The following DENND5B variants were observed in gnomAD, a reference collection of about 807,000 sequenced individuals.
DENND5B encodes the protein DENN domain containing 5B, also known as DENN domain-containing protein 5B.
Under a neutral mutation model 140.6 loss-of-function variants are expected in DENND5B, and 34 were observed. The observed-to-expected ratio is 0.24, with a 90% confidence interval of 0.18 to 0.32. The LOEUF (loss-of-function observed/expected upper bound fraction) is 0.32. DENND5B is among the 10% of genes least tolerant of loss of function. The probability of loss-of-function intolerance (pLI) is 1.00; values close to 1 mark genes in which losing one functional copy is unlikely to be tolerated. For synonymous variants in DENND5B, 551 were observed against 562.1 expected, an observed-to-expected ratio of 0.98 and a Z score of 0.28; for missense variants, 1,142 against 1,560.2, an observed-to-expected ratio of 0.73 and a Z score of 4.52.
rs565912518 is a variant in DENND5B at position 31,557,488 on chromosome 12, C to T, written c.127+33218G>A. Among the ~76,000 whole-genome samples the T allele has an allele frequency of 2.6e-5, 4 of 152,122 alleles. No homozygotes were observed. In the South Asian group the frequency reaches 8.3e-4, roughly 32 times the overall value. Reference sequence around the variant, plus strand: ...CAACCTCCTGGGCTCAACTGATCCTCCTCCCACCTCAGCCTCCCAAGTAGC... The same window carrying T: ...CAACCTCCTGGGCTCAACTGATCCTTCTCCCACCTCAGCCTCCCAAGTAGC... On this transcript the variant is annotated intron_variant, in intron 1 of 20. Coordinates refer to ENST00000389082, the MANE Select transcript of DENND5B (RefSeq NM_144973.4).
At chr12:31,501,666 G>A (rs1947007016) in intron 1 of DENND5B, among the ~76,000 whole-genome samples, 1 of 151,818 alleles carries the variant, frequency 6.6e-6, no homozygotes, top group African/African-American at 2.4e-5. Flanking sequence ...CCAGCTACTT[G>A]GGAGGCTGAG....
intron 1 of DENND5B, among the ~76,000 whole-genome samples, chr12:31,555,471 G>T (rs1332398022): frequency 1.3e-5 from 2 of 152,210 alleles, no homozygotes; most frequent in Non-Finnish European, 2.9e-5. Flanking sequence ...CCTACTGGGG[G>T]GTGCCTCCCA....
At chr12:31,497,837 G>GGCAGCA (rs1186968882) in intron 1 of DENND5B, among the ~76,000 whole-genome samples, 2 of 19,308 alleles carry the variant, frequency 1.0e-4, no homozygotes, top group Admixed American at 4.4e-4. Flanking sequence ...AGGGGCAAGG[G>GGCAGCA]GAGGGGGCAG....
chr12:31,469,492 T>C (rs1282702358), intron 3 of DENND5B, among the ~76,000 whole-genome samples: 1 of 152,150 alleles, frequency 6.6e-6, no homozygotes, highest in African/African-American at 2.4e-5. Context: ...TGTTTCTGAG[T>C]TGTATCCTTT....
intron 7 of DENND5B, among the ~76,000 whole-genome samples, chr12:31,435,219 T>C (rs774138610): frequency 2.6e-5 from 4 of 152,016 alleles, no homozygotes; most frequent in Non-Finnish European, 5.9e-5. Flanking sequence ...TATCAACTCT[T>C]CCCCATTCTC....
intron 1 of DENND5B, among the ~76,000 whole-genome samples, chr12:31,580,928 C>A (rs1253158348): frequency 1.3e-5 from 2 of 151,710 alleles, no homozygotes; most frequent in East Asian, 3.9e-4. Flanking sequence ...CAACACAGAC[C>A]CCATCTCTAC....
At chr12:31,520,544 CTTTT>C (rs1422344918) in intron 1 of DENND5B, among the ~76,000 whole-genome samples, 2 of 151,874 alleles carry the variant, frequency 1.3e-5, no homozygotes, top group Non-Finnish European at 1.5e-5. Flanking sequence ...CTAGTAGCTA[CTTTT>C]TTTTCTTTTT....
chr12:31,476,276 A>G (rs1271114312), intron 3 of DENND5B, among the ~76,000 whole-genome samples: 1 of 151,688 alleles, frequency 6.6e-6, no homozygotes, highest in Non-Finnish European at 1.5e-5. Flanking sequence ...TGACTGTATC[A>G]TTTAAAAAGG....
chr12:31,475,944 C>CA (rs1363176542), intron 3 of DENND5B, among the ~76,000 whole-genome samples: 1 of 151,890 alleles, frequency 6.6e-6, no homozygotes, highest in Non-Finnish European at 1.5e-5. Context: ...GCCAGCATGG[C>CA]AAAACCTCAT....
intron 1 of DENND5B, among the ~76,000 whole-genome samples, chr12:31,551,383 C>T (rs1565687281): frequency 6.6e-6 from 1 of 152,062 alleles, no homozygotes; most frequent in African/African-American, 2.4e-5. Flanking sequence ...AGATATGCGG[C>T]ATTATTTCTG....
chr12:31,413,857 T>A (rs566685052), intron 12 of DENND5B, among the ~76,000 whole-genome samples: 11 of 152,318 alleles, frequency 7.2e-5, no homozygotes, highest in African/African-American at 2.6e-4. Flanking sequence ...CTCATAGATA[T>A]CTGTAAATAA....
intron 1 of DENND5B, among the ~76,000 whole-genome samples, chr12:31,511,028 T>C (rs1010746248): frequency 6.6e-6 from 1 of 152,080 alleles, no homozygotes; most frequent in Non-Finnish European, 1.5e-5. Context: ...GCCCAGGAGT[T>C]TGAGACCAGC....
At chr12:31,548,048 G>A (rs984485219) in intron 1 of DENND5B, among the ~76,000 whole-genome samples, 2 of 152,006 alleles carry the variant, frequency 1.3e-5, no homozygotes, top group Admixed American at 6.6e-5. Flanking sequence ...CGCTTAAAAC[G>A]TAAGATATTA....
chr12:31,521,648 C>T (rs999415651), intron 1 of DENND5B, among the ~76,000 whole-genome samples: 2 of 152,056 alleles, frequency 1.3e-5, no homozygotes, highest in Admixed American at 6.5e-5. Context: ...GTATATCTAG[C>T]GTCAACAAAG....
At chr12:31,556,785 C>T (rs931089022) in intron 1 of DENND5B, among the ~76,000 whole-genome samples, 2 of 151,912 alleles carry the variant, frequency 1.3e-5, no homozygotes, top group African/African-American at 4.8e-5. Flanking sequence ...AAAATACTGC[C>T]GAACTGTTTA....
At chr12:31,518,054 G>C (rs754048488) in intron 1 of DENND5B, among the ~76,000 whole-genome samples, 20 of 152,092 alleles carry the variant, frequency 1.3e-4, no homozygotes, top group Non-Finnish European at 1.9e-4. Flanking sequence ...CTCTGCAATG[G>C]GAGCAGTGCA....
At chr12:31,419,449 A>C (rs1249952147) in intron 11 of DENND5B, among the ~76,000 whole-genome samples, 1 of 147,920 alleles carries the variant, frequency 6.8e-6, no homozygotes, top group African/African-American at 2.5e-5. Flanking sequence ...TCCATCTCCA[A>C]AAAAAAAAAA....
chr12:31,583,984 C>T (rs1250070376), intron 1 of DENND5B, among the ~76,000 whole-genome samples: 1 of 152,142 alleles, frequency 6.6e-6, no homozygotes, highest in Admixed American at 6.5e-5. Flanking sequence ...CTGTATAGAA[C>T]CATCTCTACC....
At position 31,386,875 on chromosome 12, in the gene DENND5B, G is replaced by A. The variant is rs370357512; in HGVS notation, c.*728C>T. The A allele has an allele frequency of 3.3e-5, 5 of 152,126 alleles. No homozygotes were observed. Among genetic ancestry groups the A allele is most frequent in the Non-Finnish European group, 5.9e-5 (4 of 68,034 alleles). The allele number at this position is 152,126 out of a possible 1,614,324, so 9.4% of individuals were successfully genotyped here. A position where few individuals can be genotyped will look rare whatever the true frequency, so the allele number is the denominator to read the frequency against. ...GAAGTTAGTCTAGGCTAATCTTTCCGAAGTGTAAAGAAGTTATAATCCCAC... is the reference window on the plus strand; with the variant it reads ...GAAGTTAGTCTAGGCTAATCTTTCCAAAGTGTAAAGAAGTTATAATCCCAC... On this transcript the variant is annotated 3_prime_UTR_variant, in exon 21 of 21. Coordinates refer to ENST00000389082, the MANE Select transcript of DENND5B (RefSeq NM_144973.4).
Sources: gnomAD v4.1 joint callset for allele counts (sites outside exome capture counted in the v4.1 genomes callset) on GRCh38, gnomAD v4.1.1 for gene constraint, MANE v1.5 for transcripts, NCBI Gene and HGNC (gene_info 2026-07-23, HGNC 2026-07-21) for gene names.